Variants in EPB41 observed in about 807,000 individuals in gnomAD.
EPB41 encodes protein 4.1.
EPB41 carries 65 observed loss-of-function variants against 108.0 expected under a neutral mutation model. That is an observed-to-expected ratio of 0.60 (90% confidence interval 0.49 to 0.74). The LOEUF is 0.74. EPB41 is among the 30% of genes least tolerant of loss of function. EPB41 has a pLI of 0.00. For missense variants in EPB41, 875 were observed against 1,037.0 expected, an observed-to-expected ratio of 0.84 and a Z score of 2.15; for synonymous variants, 336 against 358.9, an observed-to-expected ratio of 0.94 and a Z score of 0.72.
intron 4 of EPB41, among the ~76,000 whole-genome samples, chr1:29,006,227 C>A (rs1397448169): frequency 6.8e-6 from 1 of 147,190 alleles, no homozygotes; most frequent in Non-Finnish European, 1.5e-5. Context: ...CATATACATC[C>A]CAAAGAATTT....
At chr1:29,006,357 C>T (rs908692142) in intron 4 of EPB41, among the ~76,000 whole-genome samples, 6 of 152,020 alleles carry the variant, frequency 3.9e-5, no homozygotes, top group Middle Eastern at 3.4e-3. Flanking sequence ...CTGCCTCAGC[C>T]TCCTGAGTAG....
chr1:28,994,203 T>C (rs2096101268), intron 3 of EPB41, among the ~76,000 whole-genome samples: 1 of 151,362 alleles, frequency 6.6e-6, no homozygotes, highest in South Asian at 2.1e-4. Context: ...ACAGAGTCTC[T>C]CTCTGTCGTC....
chr1:29,117,203 GT>G lies in EPB41; in HGVS notation c.*392del, dbSNP rs1335331624. 2 of 152,518 alleles carry G rather than the reference GT, an allele frequency of 1.3e-5. No homozygotes were observed. Among genetic ancestry groups the G allele is most frequent in the African/African-American group, 4.8e-5 (2 of 41,444 alleles). 9.4% of individuals were successfully genotyped at this position (152,518 alleles called of 1,614,324 possible). A position where few individuals can be genotyped will look rare whatever the true frequency, so the allele number is the denominator to read the frequency against. On this transcript the variant is annotated 3_prime_UTR_variant, in exon 21 of 21. Coordinates refer to ENST00000343067, the MANE Select transcript of EPB41 (RefSeq NM_001376013.1). ...AATCCTCCAAGGACTCTTGTCAGCT[GT>G]GTTGGAAGCCAAAGCCAGCTTAGTG...
intron 1 of EPB41, among the ~76,000 whole-genome samples, chr1:28,903,486 G>C (rs1239517229): frequency 6.6e-6 from 1 of 151,618 alleles, no homozygotes; most frequent in Non-Finnish European, 1.5e-5. Flanking sequence ...TGCCACACCC[G>C]GCTAATTTTT....
In EPB41 at chr1:29,018,675, C is replaced by T. The variant is rs536561361; in HGVS notation, c.1124+233C>T. 1.2e-4 allele frequency among the ~76,000 whole-genome samples: 18 copies of T among 152,266 alleles called. No homozygotes were observed. Among genetic ancestry groups the T allele is most frequent in the African/African-American group, 4.3e-4 (18 of 41,552 alleles). ...ACTAAATGAGGTAATATATGTAAAG[C>T]ACTTAGCACAGTGGCTGGCTCAGTG... On this transcript the variant is annotated intron_variant, in intron 7 of 20. Transcript: ENST00000343067. This position sits in a 1 kb window ranked among gnomAD's most constrained non-coding sequence, Gnocchi z 4.4.
upstream of EPB41, chr1:28,911,104 A>G: frequency 1.0e-6 from 1 of 985,398 alleles, no homozygotes; most frequent in Non-Finnish European, 1.2e-6. Context: ...TGGGCCCAGG[A>G]GTAAAGGTAG....
intron 17 of EPB41, among the ~76,000 whole-genome samples, chr1:29,100,207 G>T (rs1054489981): frequency 6.6e-6 from 1 of 151,392 alleles, no homozygotes; most frequent in Middle Eastern, 3.2e-3. Flanking sequence ...GGTGGCTCAC[G>T]CCTGTAATCC....
chr1:28,909,917 T>C (rs1452325856), upstream of EPB41, among the ~76,000 whole-genome samples: 1 of 151,764 alleles, frequency 6.6e-6, no homozygotes, highest in Non-Finnish European at 1.5e-5. Flanking sequence ...ACCCTGTCTG[T>C]ACCAAAAAAT....
intron 7 of EPB41, 82 bp from the exon 8 acceptor site, chr1:29,030,318 A>ATAT: frequency 1.8e-6 from 2 of 1,103,120 alleles, no homozygotes; most frequent in South Asian, 2.5e-5. Flanking sequence ...TCATGTGTTT[A>ATAT]AAATACAGTG....
intron 4 of EPB41, among the ~76,000 whole-genome samples, chr1:29,010,714 GAA>G (rs1206327099): frequency 6.6e-5 from 10 of 152,166 alleles, no homozygotes; most frequent in South Asian, 2.1e-4. Flanking sequence ...GGAGAACAGT[GAA>G]GGACAAGATT....
intron 16 of EPB41, 101 bp downstream of exon 16, chr1:29,065,259 G>A: frequency 1.4e-6 from 2 of 1,426,222 alleles, no homozygotes; most frequent in Non-Finnish European, 1.8e-6. Flanking sequence ...GCTGAAATTT[G>A]GATTTGGTGC....
At chr1:29,008,716 A>G (rs547927282) in intron 4 of EPB41, among the ~76,000 whole-genome samples, 75 of 152,318 alleles carry the variant, frequency 4.9e-4, no homozygotes, top group African/African-American at 1.7e-3. Flanking sequence ...CTAAGTTCTT[A>G]GCATGGAATA....
intron 11 of EPB41, among the ~76,000 whole-genome samples, chr1:29,043,362 A>G (rs1410646078): frequency 6.6e-6 from 1 of 152,172 alleles, no homozygotes; most frequent in Admixed American, 6.5e-5. Context: ...AGCAAGTACA[A>G]AGTCCTGAAA....
At chr1:29,111,838 A>C (rs982191699) in intron 18 of EPB41, among the ~76,000 whole-genome samples, 11 of 148,512 alleles carry the variant, frequency 7.4e-5, no homozygotes, top group Non-Finnish European at 1.5e-4. Context: ...TTAGCTGGGC[A>C]TGGTGGTGCG....
chr1:28,889,928 G>T, intron 1 of EPB41: 1 of 680,524 alleles, frequency 1.5e-6, no homozygotes, highest in Non-Finnish European at 1.8e-6. Context: ...TTAGGGGTTT[G>T]CAGAATGGGC....
intron 1 of EPB41, among the ~76,000 whole-genome samples, chr1:28,937,812 A>T (rs1178258998): frequency 6.6e-6 from 1 of 152,228 alleles, no homozygotes; most frequent in African/African-American, 2.4e-5. Flanking sequence ...CTTTTCTTCT[A>T]GGAATTTTAT....
upstream of EPB41, among the ~76,000 whole-genome samples, chr1:28,910,196 C>T (rs1050424782): frequency 1.8e-4 from 28 of 151,820 alleles, no homozygotes; most frequent in African/African-American, 6.3e-4. Flanking sequence ...TACATTTTTT[C>T]TTGTGTTTCT....
At chr1:29,076,863 C>T (rs1558249418) in intron 16 of EPB41, among the ~76,000 whole-genome samples, 1 of 152,116 alleles carries the variant, frequency 6.6e-6, no homozygotes, top group Non-Finnish European at 1.5e-5. Context: ...GCCATGATCA[C>T]ACAACTTCTC....
chr1:29,062,287 T>C (rs1433901525), intron 15 of EPB41, among the ~76,000 whole-genome samples: 1 of 152,220 alleles, frequency 6.6e-6, no homozygotes. Flanking sequence ...TAGTTCGTCT[T>C]CAGTGCTTCC....
Sources: gnomAD v4.1 joint callset for allele counts (sites outside exome capture counted in the v4.1 genomes callset) on GRCh38, gnomAD v4.1.1 for gene constraint, Gnocchi (gnomAD v3.1) non-coding constraint, MANE v1.5 for transcripts, NCBI Gene and HGNC (gene_info 2026-07-23, HGNC 2026-07-21) for gene names.